WWOX: variants seen among roughly 807,000 people sequenced by gnomAD.
WWOX encodes the protein WW domain containing oxidoreductase, also known as WW domain-containing oxidoreductase.
Under a neutral mutation model 46.2 loss-of-function variants are expected in WWOX, and 69 were observed. The observed-to-expected ratio is 1.49, with a 90% CI of 1.23 to 1.82. WWOX has a LOEUF of 1.82. Ranked by LOEUF, WWOX falls within the 40% of genes most tolerant of loss-of-function variation. The pLI is 0.00. For missense variants in WWOX, 919 were observed against 542.6 expected, an observed-to-expected ratio of 1.69 and a Z score of -6.89; for synonymous variants, 359 against 202.6, an observed-to-expected ratio of 1.77 and a Z score of -6.56.
chr16:78,413,016 C>T (rs771359129), intron 6 of WWOX, among the ~76,000 whole-genome samples: 52 of 152,214 alleles, frequency 3.4e-4, no homozygotes, highest in Admixed American at 1.5e-3. Flanking sequence ...ATTGAGCTGA[C>T]GCGTAGCAAG....
intron 8 of WWOX, among the ~76,000 whole-genome samples, chr16:79,007,239 A>G (rs1185507531): frequency 6.6e-6 from 1 of 152,192 alleles, no homozygotes; most frequent in Non-Finnish European, 1.5e-5. Flanking sequence ...GGGTGAAATA[A>G]AAAAGGTTCT....
intron 8 of WWOX, among the ~76,000 whole-genome samples, chr16:78,609,324 G>C (rs1011695309): frequency 6.6e-6 from 1 of 151,990 alleles, no homozygotes; most frequent in African/African-American, 2.4e-5. Flanking sequence ...CATTTTCAAG[G>C]GGAGGCTTAG....
chr16:78,204,570 C>A (rs529183808), intron 5 of WWOX, among the ~76,000 whole-genome samples: 8 of 152,110 alleles, frequency 5.3e-5, no homozygotes, highest in Non-Finnish European at 1.0e-4. Flanking sequence ...CACTACCCTT[C>A]CCAGCTTCTG....
chr16:79,055,822 G>T (rs2048251529), intron 8 of WWOX, among the ~76,000 whole-genome samples: 2 of 152,168 alleles, frequency 1.3e-5, no homozygotes, highest in South Asian at 4.1e-4. Context: ...CTCAAAGTGA[G>T]TCAGACTTCT....
intron 8 of WWOX, among the ~76,000 whole-genome samples, chr16:79,000,540 T>C (rs2047072900): frequency 6.6e-6 from 1 of 152,002 alleles, no homozygotes; most frequent in Non-Finnish European, 1.5e-5. Flanking sequence ...GTTACCAGCT[T>C]TAAAGAGGGA....
At chr16:78,632,636 G>A (rs960105340) in intron 8 of WWOX, among the ~76,000 whole-genome samples, 8 of 136,832 alleles carry the variant, frequency 5.8e-5, no homozygotes, top group Admixed American at 2.6e-4. Context: ...TCAGCTCCCT[G>A]CAACCTCTGC....
At chr16:79,063,510 A>C (rs1024635970) in intron 8 of WWOX, among the ~76,000 whole-genome samples, 1 of 152,230 alleles carries the variant, frequency 6.6e-6, no homozygotes, top group African/African-American at 2.4e-5. Context: ...AACAAAACCA[A>C]ACAAAAGCCT....
chr16:78,377,259 A>G (rs2081852556), intron 5 of WWOX, among the ~76,000 whole-genome samples: 1 of 152,248 alleles, frequency 6.6e-6, no homozygotes, highest in African/African-American at 2.4e-5. Flanking sequence ...GATATAGGGC[A>G]TGTTTATTAA....
At chr16:78,277,241 C>T (rs948577889) in intron 5 of WWOX, among the ~76,000 whole-genome samples, 4 of 152,098 alleles carry the variant, frequency 2.6e-5, no homozygotes, top group African/African-American at 4.8e-5. Flanking sequence ...AGAGAAGCTC[C>T]GATTTTCTTG....
chr16:79,050,672 C>T (rs1426246843), intron 8 of WWOX, among the ~76,000 whole-genome samples: 1 of 152,128 alleles, frequency 6.6e-6, no homozygotes, highest in African/African-American at 2.4e-5. Context: ...ACAGGAGTGA[C>T]ATGACTTCCG....
intron 5 of WWOX, among the ~76,000 whole-genome samples, chr16:78,191,546 T>C (rs1473901809): frequency 6.6e-6 from 1 of 152,224 alleles, no homozygotes; most frequent in African/African-American, 2.4e-5. Context: ...ACATATTATA[T>C]ATAGCATCCC....
intron 8 of WWOX, chr16:78,525,590 C>A (rs2043445790): frequency 6.6e-6 from 1 of 152,112 alleles, no homozygotes; most frequent in Non-Finnish European, 1.5e-5. Context: ...TGGTAGCATC[C>A]ACTGCATTTT....
chr16:78,703,264 C>G (rs1225434374), intron 8 of WWOX, among the ~76,000 whole-genome samples: 3 of 152,144 alleles, frequency 2.0e-5, no homozygotes, highest in African/African-American at 4.8e-5. Flanking sequence ...AGCCCATCTA[C>G]CTTGTTTCTC....
intron 5 of WWOX, among the ~76,000 whole-genome samples, chr16:78,358,892 C>T (rs903045009): frequency 8.2e-6 from 1 of 121,572 alleles, no homozygotes. Flanking sequence ...TTTAACCAGA[C>T]ATATAGTGGC....
At chr16:78,895,945 G>C (rs1235336112) in intron 8 of WWOX, 2 of 152,126 alleles carry the variant, frequency 1.3e-5, no homozygotes, top group Admixed American at 1.3e-4. Context: ...ATTTGGTCTT[G>C]ACGCTGACTT....
At chr16:79,031,485 T>C (rs368535147) in intron 8 of WWOX, among the ~76,000 whole-genome samples, 31 of 152,242 alleles carry the variant, frequency 2.0e-4, no homozygotes, top group African/African-American at 7.5e-4. Flanking sequence ...AATGTAATTC[T>C]TATGAATTTG....
At chr16:79,028,341 C>T (rs1212059901) in intron 8 of WWOX, among the ~76,000 whole-genome samples, 2 of 151,770 alleles carry the variant, frequency 1.3e-5, no homozygotes, top group African/African-American at 4.9e-5. Context: ...ATGAGTGTAT[C>T]GTTAGGCATG....
At chr16:79,052,038 A>T (rs1481141891) in intron 8 of WWOX, among the ~76,000 whole-genome samples, 9 of 145,634 alleles carry the variant, frequency 6.2e-5, no homozygotes, top group South Asian at 4.4e-4. Context: ...TTTTATTTTA[A>T]TTTTTTTTTT....
intron 8 of WWOX, among the ~76,000 whole-genome samples, chr16:78,549,973 C>T (rs1422463988): frequency 1.3e-5 from 2 of 152,034 alleles, no homozygotes; most frequent in Non-Finnish European, 2.9e-5. Flanking sequence ...TGAAAATTCC[C>T]ATCCCACCCC....
Sources: gnomAD v4.1 joint callset for allele counts (sites outside exome capture counted in the v4.1 genomes callset) on GRCh38, gnomAD v4.1.1 for gene constraint, MANE v1.5 for transcripts, NCBI Gene and HGNC (gene_info 2026-07-23, HGNC 2026-07-21) for gene names.